Variants in ACSS3 observed in about 807,000 individuals in gnomAD.
ACSS3 encodes acyl-CoA synthetase short chain family member 3.
A neutral mutation model predicts 84.2 loss-of-function variants in ACSS3; 64 were observed. That is an observed-to-expected ratio of 0.76 (90% CI 0.62 to 0.94). ACSS3 has a LOEUF of 0.94. ACSS3 is among the 40% of genes least tolerant of loss of function. The pLI is 0.00. For synonymous variants in ACSS3, 317 were observed against 310.1 expected, an observed-to-expected ratio of 1.02 and a Z score of -0.23; for missense variants, 815 against 867.6, an observed-to-expected ratio of 0.94 and a Z score of 0.76.
At chr12:81,112,903 T>C (rs1280059733) in intron 2 of ACSS3, among the ~76,000 whole-genome samples, 5 of 152,138 alleles carry the variant, frequency 3.3e-5, no homozygotes, top group Admixed American at 3.3e-4. Context: ...CTTAGTAACA[T>C]GAAAGATCTG....
intron 13 of ACSS3, among the ~76,000 whole-genome samples, chr12:81,250,133 G>A (rs1340762137): frequency 1.3e-5 from 2 of 151,962 alleles, no homozygotes. Context: ...CATTAATGTG[G>A]TTTTTGATAT....
At chr12:81,096,496 A>C (rs1882059468) in intron 1 of ACSS3, among the ~76,000 whole-genome samples, 1 of 152,082 alleles carries the variant, frequency 6.6e-6, no homozygotes, top group South Asian at 2.1e-4. Context: ...ATTATACTTT[A>C]AGTTCTGGGA....
chr12:81,261,192 G>A lies in ACSS3; in HGVS notation c.*6270G>A, dbSNP rs1201390965. ...ATTGATAAGAAACAATGTAATAAAGGTTTGAATTTTTCACAGTTTCTACTA... is the reference window on the plus strand; with the variant it reads ...ATTGATAAGAAACAATGTAATAAAGATTTGAATTTTTCACAGTTTCTACTA... On this transcript the variant is annotated 3_prime_UTR_variant, in exon 16 of 16. Transcript: ENST00000548058. 6.6e-6 allele frequency: 1 copy of A among 152,062 alleles called. No homozygotes were observed. Among genetic ancestry groups the A allele is most frequent in the Non-Finnish European group, 1.5e-5 (1 of 67,998 alleles). The allele number at this position is 152,062 out of a possible 1,614,324, so 9.4% of individuals were successfully genotyped here.
chr12:81,078,094 C>T lies in ACSS3; in HGVS notation c.-27C>T, dbSNP rs1404916075. The T allele has an allele frequency of 6.9e-7, 1 of 1,457,934 alleles. No homozygotes were observed. Among genetic ancestry groups the T allele is most frequent in the Non-Finnish European group, 9.0e-7 (1 of 1,106,878 alleles). The allele number at this position is 1,457,934 out of a possible 1,614,324, so 90.3% of individuals were successfully genotyped here. ...TTGCAAGAGTACCATTTGTCGCACA[C>T]TCGGGGACCGCGGGTGGCCGGAGGA... On this transcript the variant is annotated 5_prime_UTR_variant, in exon 1 of 16. Transcript: ENST00000548058.
intron 8 of ACSS3, among the ~76,000 whole-genome samples, chr12:81,192,195 C>T (rs1050953252): frequency 2.0e-5 from 3 of 151,688 alleles, no homozygotes; most frequent in Non-Finnish European, 4.4e-5. Context: ...GCCTGGCCAA[C>T]ATAGTGAAAC....
Position 81,261,041 on chromosome 12 carries a change from G to A in ACSS3, c.*6119G>A, listed in dbSNP as rs2035318064. 6.6e-6 allele frequency: 1 copy of A among 151,940 alleles called. No homozygotes were observed. The highest frequency in any genetic ancestry group is 2.1e-4 in the South Asian group (1 of 4,820). The allele number at this position is 151,940 out of a possible 1,614,324, so 9.4% of individuals were successfully genotyped here. A position where few individuals can be genotyped will look rare whatever the true frequency, so the allele number is the denominator to read the frequency against. On this transcript the variant is annotated 3_prime_UTR_variant, in exon 16 of 16. Transcript: ENST00000548058. ...GGTATTTCCTTAAAATCAAATGCTT[G>A]GTATTTATGGTTACATAGGAAGGTT...
Position 81,253,336 on chromosome 12 carries a change from CTG to C in ACSS3, c.1752_1753del (p.Ala585CysfsTer39), listed in dbSNP as rs770778748. ...TCCTTTCCCATGGTACCGTGGCAGA[CTG>C]TGCTGTTGTTGGCAAGGAAGATCCC... ...SILSHGTVAD[C>X]AVVGKEDPLK... On this transcript the variant is annotated frameshift_variant, in exon 14 of 16. Coordinates refer to ENST00000548058, the MANE Select transcript of ACSS3 (RefSeq NM_024560.4). LOFTEE classifies it high-confidence loss of function. The C allele has an allele frequency of 1.4e-4, 231 of 1,613,756 alleles. No homozygotes were observed. The highest frequency in any genetic ancestry group is 1.9e-4 in the Non-Finnish European group (228 of 1,179,882).
At chr12:81,202,545 T>G (rs1202474931) in intron 9 of ACSS3, among the ~76,000 whole-genome samples, 1 of 152,214 alleles carries the variant, frequency 6.6e-6, no homozygotes, top group Non-Finnish European at 1.5e-5. Flanking sequence ...AAGGTTAGCT[T>G]TAACCAAATA....
chr12:81,079,226 C>T (rs775961687), intron 1 of ACSS3, among the ~76,000 whole-genome samples: 33 of 151,934 alleles, frequency 2.2e-4, no homozygotes, highest in African/African-American at 2.9e-4. Context: ...ATTTTTTTTG[C>T]GTTACAACAA....
At chr12:81,184,340 A>C (rs1363400464) in intron 8 of ACSS3, among the ~76,000 whole-genome samples, 1 of 151,970 alleles carries the variant, frequency 6.6e-6, no homozygotes, top group Admixed American at 6.6e-5. Context: ...ATTAGAAAGA[A>C]GAAAGACCCC....
chr12:81,190,509 A>ATG (rs2031510432), intron 8 of ACSS3, among the ~76,000 whole-genome samples: 1 of 151,998 alleles, frequency 6.6e-6, no homozygotes, highest in Non-Finnish European at 1.5e-5. Flanking sequence ...AGTAGTTTTA[A>ATG]TGTATATATG....
chr12:81,228,920 A>G (rs1415618451), intron 11 of ACSS3, among the ~76,000 whole-genome samples: 1 of 151,788 alleles, frequency 6.6e-6, no homozygotes, highest in Non-Finnish European at 1.5e-5. Context: ...ATTTTTTGAT[A>G]TGCATAGCTC....
intron 7 of ACSS3, among the ~76,000 whole-genome samples, chr12:81,162,283 G>T (rs1014804540): frequency 1.3e-5 from 2 of 152,204 alleles, no homozygotes; most frequent in Non-Finnish European, 2.9e-5. Flanking sequence ...GGAGAGGGTA[G>T]CTCCTATCTG....
rs765430111 is a variant in ACSS3 at position 81,259,371 on chromosome 12, A to G, written c.*4449A>G. The G allele has an allele frequency of 1.2e-5, 7 of 602,094 alleles. No homozygotes were observed. Among genetic ancestry groups the G allele is most frequent in the South Asian group, 1.1e-4 (7 of 62,136 alleles). The allele number at this position is 602,094 out of a possible 1,614,324, so 37.3% of individuals were successfully genotyped here. ...GCACGGTAATACATAAATGCCTAGT[A>G]TATTACAATAAAACATGAAAAACAA... On this transcript the variant is annotated 3_prime_UTR_variant, in exon 16 of 16. Coordinates refer to ENST00000548058, the MANE Select transcript of ACSS3 (RefSeq NM_024560.4).
At position 81,151,914 on chromosome 12, in the gene ACSS3, AACCCGGAGAGGTAATCG is replaced by A. The variant is rs1484641259; in HGVS notation, c.993_1002+7del. On this transcript the variant is annotated splice_donor_variant and splice_donor_5th_base_variant and coding_sequence_variant and intron_variant, in exon 6 of 16. Transcript: ENST00000548058. LOFTEE classifies it high-confidence loss of function. ...TCAATGTCTTCCATATACGGACTTC[AACCCGGAGAGGTAATCG>A]TGGTTTTAAATTTACATTACATGAC... 1 of 1,613,868 alleles carries A rather than the reference AACCCGGAGAGGTAATCG, an allele frequency of 6.2e-7. No homozygotes were observed. Among genetic ancestry groups the A allele is most frequent in the Non-Finnish European group, 8.5e-7 (1 of 1,179,876 alleles).
chr12:81,248,457 G>A (rs2034051722), intron 13 of ACSS3, among the ~76,000 whole-genome samples: 1 of 152,008 alleles, frequency 6.6e-6, no homozygotes, highest in African/African-American at 2.4e-5. Flanking sequence ...TCCAGGCACA[G>A]AAAGACAATA....
At chr12:81,193,949 T>C (rs1430884189) in intron 8 of ACSS3, among the ~76,000 whole-genome samples, 1 of 151,948 alleles carries the variant, frequency 6.6e-6, no homozygotes, top group African/African-American at 2.4e-5. Context: ...TTTTAACTTT[T>C]GTAAAATGTA....
chr12:81,145,806 A>G (rs1483627896), intron 5 of ACSS3, among the ~76,000 whole-genome samples: 2 of 152,190 alleles, frequency 1.3e-5, no homozygotes, highest in East Asian at 3.9e-4. Context: ...GTTGGTGATG[A>G]GAGTCTGAGC....
At chr12:81,102,878 A>G (rs910949180) in intron 1 of ACSS3, among the ~76,000 whole-genome samples, 2 of 152,084 alleles carry the variant, frequency 1.3e-5, no homozygotes, top group African/African-American at 2.4e-5. Context: ...GAGGAGTTAG[A>G]TGCTCATGTT....
Sources: gnomAD v4.1 joint callset for allele counts (sites outside exome capture counted in the v4.1 genomes callset) on GRCh38, gnomAD v4.1.1 for gene constraint, MANE v1.5 for transcripts, NCBI Gene and HGNC (gene_info 2026-07-23, HGNC 2026-07-21) for gene names.